The following ENPP4 variants were observed in gnomAD, a reference collection of about 807,000 sequenced individuals.
ENPP4 encodes ectonucleotide pyrophosphatase/phosphodiesterase 4.
In ENPP4, 18 loss-of-function variants were observed where a neutral mutation model predicts 33.4. The ratio of observed to expected loss-of-function variants is 0.54; its 90% confidence interval spans 0.37 to 0.80. The LOEUF (loss-of-function observed/expected upper bound fraction) is 0.80. Among genes scored for constraint, ENPP4 ranks in the 30% least tolerant of loss-of-function variants. The pLI, the probability that ENPP4 is intolerant of heterozygous loss-of-function variation, is 0.00. For missense variants in ENPP4, 480 were observed against 541.7 expected, an observed-to-expected ratio of 0.89 and a Z score of 1.13; for synonymous variants, 172 against 189.9, an observed-to-expected ratio of 0.91 and a Z score of 0.78.
intron 1 of ENPP4, among the ~76,000 whole-genome samples, chr6:46,133,840 A>G (rs1763938043): frequency 6.6e-6 from 1 of 152,196 alleles, no homozygotes; most frequent in African/African-American, 2.4e-5. Flanking sequence ...TGTGGCAGAC[A>G]TGGATCCGGC....
Position 46,134,313 on chromosome 6 carries a change from C to T in ENPP4, c.-34+4124C>T, listed in dbSNP as rs988768515. Among the ~76,000 whole-genome samples, 3 of 152,102 alleles carry T rather than the reference C, an allele frequency of 2.0e-5. No homozygotes were observed. In the East Asian group the frequency reaches 5.8e-4, roughly 29 times the overall value. On this transcript the variant is annotated intron_variant, in intron 1 of 3. Coordinates refer to ENST00000321037, the MANE Select transcript of ENPP4 (RefSeq NM_014936.5). Reference sequence around the variant, plus strand: ...AATTGTGAGTTCAGGTTCTGGGACCCTTCTGACTTCAGTCTATAGTCTTTC... The same window carrying T: ...AATTGTGAGTTCAGGTTCTGGGACCTTTCTGACTTCAGTCTATAGTCTTTC...
chr6:46,133,374 A>G lies in ENPP4; in HGVS notation c.-34+3185A>G, dbSNP rs559957343. On this transcript the variant is annotated intron_variant, in intron 1 of 3. Transcript: ENST00000321037. ...ATCTAAAGATAACTGCCTTATTTAT[A>G]GTCATAGAATAAAGTTTTTAAAGGT... 9.2e-5 allele frequency among the ~76,000 whole-genome samples: 14 copies of G among 152,322 alleles called. No homozygotes were observed. In the South Asian group the frequency reaches 2.9e-3, roughly 32 times the overall value.
chr6:46,142,040 C>T (rs1040073943), intron 3 of ENPP4, among the ~76,000 whole-genome samples: 1 of 151,398 alleles, frequency 6.6e-6, no homozygotes, highest in Non-Finnish European at 1.5e-5. Context: ...GGCTAACCTT[C>T]GCTATGGGCT....
At position 46,139,534 on chromosome 6, in the gene ENPP4, G is replaced by A; in HGVS notation, c.-33-17G>A. ...GAAATAGAATTACTACTTATGAGTT[G>A]TGTTTTTACATTTTAGGAACCCTGA... On this transcript the variant is annotated splice_polypyrimidine_tract_variant and intron_variant, in intron 1 of 3. Transcript: ENST00000321037. 1.0e-6 allele frequency: 1 copy of A among 967,760 alleles called. No homozygotes were observed. Among genetic ancestry groups the A allele is most frequent in the Non-Finnish European group, 1.6e-6 (1 of 613,376 alleles). 59.9% of individuals were successfully genotyped at this position (967,760 alleles called of 1,614,324 possible).
rs1764111129 is a variant in ENPP4, at chr6:46,144,245, A to G, written c.*605A>G. The G allele has an allele frequency of 6.6e-6, 1 of 151,876 alleles. No homozygotes were observed. Among genetic ancestry groups the G allele is most frequent in the African/African-American group, 2.4e-5 (1 of 41,406 alleles). The allele number at this position is 151,876 out of a possible 1,614,324, so 9.4% of individuals were successfully genotyped here. A position where few individuals can be genotyped will look rare whatever the true frequency, so the allele number is the denominator to read the frequency against. On this transcript the variant is annotated 3_prime_UTR_variant, in exon 4 of 4. Coordinates refer to ENST00000321037, the MANE Select transcript of ENPP4 (RefSeq NM_014936.5). ...TTTTAAGGAAACCTATTTGAAAAAAAAAGCAAAGACCATTTGATAAAAGCC... is the reference window on the plus strand; with the variant it reads ...TTTTAAGGAAACCTATTTGAAAAAAGAAGCAAAGACCATTTGATAAAAGCC...
At chr6:46,142,791 C>T (rs985136773) in intron 3 of ENPP4, among the ~76,000 whole-genome samples, 10 of 151,640 alleles carry the variant, frequency 6.6e-5, no homozygotes, top group Non-Finnish European at 1.5e-4. Context: ...GATAGAGTCA[C>T]CAGATTAGAC....
chr6:46,136,023 A>T (rs1012063976), intron 1 of ENPP4, among the ~76,000 whole-genome samples: 3 of 152,016 alleles, frequency 2.0e-5, no homozygotes, highest in African/African-American at 7.2e-5. Flanking sequence ...CTTTTAAAAT[A>T]ATACATTATG....
At chr6:46,131,520 G>T (rs1763899194) in intron 1 of ENPP4, among the ~76,000 whole-genome samples, 1 of 152,048 alleles carries the variant, frequency 6.6e-6, no homozygotes, top group South Asian at 2.1e-4. Flanking sequence ...GTATTCCATG[G>T]TGTATATGTG....
At chr6:46,138,364 GC>G (rs1456274759) in intron 1 of ENPP4, among the ~76,000 whole-genome samples, 1 of 151,852 alleles carries the variant, frequency 6.6e-6, no homozygotes, top group African/African-American at 2.4e-5. Context: ...TTTTGTTCAT[GC>G]CTGTGCCAGG....
Position 46,143,830 on chromosome 6 carries a change from A to G in ENPP4, c.*190A>G, listed in dbSNP as rs373357364. On this transcript the variant is annotated 3_prime_UTR_variant, in exon 4 of 4. Coordinates refer to ENST00000321037, the MANE Select transcript of ENPP4 (RefSeq NM_014936.5). ...ATTTGCTAATAAGATAACGCTGACC[A>G]TAGTAAAATTGTTAGTAAATCATTA... 52 of 531,132 alleles carry G rather than the reference A, an allele frequency of 9.8e-5. No homozygotes were observed. Among genetic ancestry groups the G allele is most frequent in the African/African-American group, 8.2e-4 (43 of 52,448 alleles). The allele number at this position is 531,132 out of a possible 1,614,324, so 32.9% of individuals were successfully genotyped here.
rs974460929 is a variant in ENPP4 at position 46,146,507 on chromosome 6, A to C, written c.*2867A>C. The stretch of plus-strand genomic sequence containing the variant: ...ATGTGTATTTATTGTTAATTCTTAA[A>C]ATAGTGTGTAAATAAAATAACATCA... On this transcript the variant is annotated 3_prime_UTR_variant, in exon 4 of 4. Coordinates refer to ENST00000321037, the MANE Select transcript of ENPP4 (RefSeq NM_014936.5). 5 of 152,370 alleles carry C rather than the reference A, an allele frequency of 3.3e-5. No homozygotes were observed. Among genetic ancestry groups the C allele is most frequent in the African/African-American group, 1.2e-4 (5 of 41,434 alleles). The allele number at this position is 152,370 out of a possible 1,614,324, so 9.4% of individuals were successfully genotyped here.
chr6:46,137,751 A>T (rs1763996752), intron 1 of ENPP4, among the ~76,000 whole-genome samples: 1 of 151,832 alleles, frequency 6.6e-6, no homozygotes, highest in Admixed American at 6.6e-5. Context: ...CAAATGTTCC[A>T]TGCACCACAT....
chr6:46,134,970 T>C (rs1763957448), intron 1 of ENPP4, among the ~76,000 whole-genome samples: 1 of 152,122 alleles, frequency 6.6e-6, no homozygotes, highest in African/African-American at 2.4e-5. Context: ...TGTGACTGCG[T>C]TCTTACATTT....
At chr6:46,137,158 C>T (rs567938700) in intron 1 of ENPP4, among the ~76,000 whole-genome samples, 1 of 151,962 alleles carries the variant, frequency 6.6e-6, no homozygotes, top group Admixed American at 6.6e-5. Flanking sequence ...TGACACATAT[C>T]AGATTGGATT....
rs545042159 is a variant in ENPP4, at chr6:46,144,605, T to G, written c.*965T>G. 4.9e-6 allele frequency: 1 copy of G among 204,232 alleles called. No homozygotes were observed. The highest frequency in any genetic ancestry group is 2.3e-5 in the African/African-American group (1 of 43,776). The allele number at this position is 204,232 out of a possible 1,614,324, so 12.7% of individuals were successfully genotyped here. On this transcript the variant is annotated 3_prime_UTR_variant, in exon 4 of 4. Coordinates refer to ENST00000321037, the MANE Select transcript of ENPP4 (RefSeq NM_014936.5). ...CATAACTTAATTTCATTAACTTTTATCATTTAACTCTCTCATGTTTGTTGT... is the reference window on the plus strand; with the variant it reads ...CATAACTTAATTTCATTAACTTTTAGCATTTAACTCTCTCATGTTTGTTGT...
At chr6:46,134,449 T>C (rs982444453) in intron 1 of ENPP4, among the ~76,000 whole-genome samples, 1 of 152,152 alleles carries the variant, frequency 6.6e-6, no homozygotes, top group Non-Finnish European at 1.5e-5. Context: ...TCCTGGAGCA[T>C]CCTTTTAACT....
chr6:46,139,638 G>C lies in ENPP4; in HGVS notation c.55G>C (p.Asp19His). 1 of 1,610,374 alleles carries C rather than the reference G, an allele frequency of 6.2e-7. No individual in the cohort carries two copies. Among genetic ancestry groups the C allele is most frequent in the South Asian group, 1.1e-5 (1 of 90,946 alleles). The part of the protein sequence containing the change: ...FSGLITGFRS[D>H]SSSSLPPKLL... ...TGGACTTATAACTGGTTTTAGAAGT[G>C]ACTCTTCCTCTAGTTTGCCACCTAA... is the stretch of plus-strand genomic sequence containing the variant. The change falls in exon 2 of 4, where the codon GAC (aspartate) becomes CAC (histidine). Residue 19 changes from aspartate to histidine, a missense_variant. This residue lies in a region of ENPP4 where 227 missense variants were observed against 273.7 expected (regional missense o/e 0.83). Transcript: ENST00000321037.
At chr6:46,132,846 G>A (rs1466225734) in intron 1 of ENPP4, among the ~76,000 whole-genome samples, 2 of 151,828 alleles carry the variant, frequency 1.3e-5, no homozygotes, top group Non-Finnish European at 2.9e-5. Flanking sequence ...GTGGTTTGTA[G>A]TTCTCCTTGA....
At chr6:46,130,734 A>T (rs1763882761) in intron 1 of ENPP4, among the ~76,000 whole-genome samples, 1 of 152,252 alleles carries the variant, frequency 6.6e-6, no homozygotes. Context: ...AGGACTTAAA[A>T]ACAATGCTTC....
Sources: gnomAD v4.1 joint callset for allele counts (sites outside exome capture counted in the v4.1 genomes callset) on GRCh38, gnomAD v4.1.1 for gene constraint, gnomAD v4.1.1 regional missense constraint, MANE v1.5 for transcripts, NCBI Gene and HGNC (gene_info 2026-07-23, HGNC 2026-07-21) for gene names.